SORCS1: variants seen among roughly 807,000 people sequenced by gnomAD.
SORCS1 encodes sortilin related VPS10 domain containing receptor 1, also known as VPS10 domain-containing receptor SorCS1.
In SORCS1, 60 loss-of-function variants were observed where a neutral mutation model predicts 146.1. The ratio of observed to expected loss-of-function variants is 0.41; its 90% CI spans 0.33 to 0.51. SORCS1 has a LOEUF of 0.51. SORCS1 is among the 20% of genes least tolerant of loss of function. SORCS1 has a pLI of 0.21. For synonymous variants in SORCS1, 637 were observed against 584.0 expected, an observed-to-expected ratio of 1.09 and a Z score of -1.31; for missense variants, 1,352 against 1,487.6, an observed-to-expected ratio of 0.91 and a Z score of 1.50.
chr10:106,932,310 A>G (rs1453593624), intron 2 of SORCS1, among the ~76,000 whole-genome samples: 1 of 152,176 alleles, frequency 6.6e-6, no homozygotes, highest in Admixed American at 6.5e-5. Context: ...TTGAGTAAAA[A>G]TAACTTCACA....
Position 107,164,273 on chromosome 10 carries a change from C to G in SORCS1, c.254G>C (p.Arg85Pro). ...CCGAGCCCGCTCCAGGGATAGCGCT[C>G]GGTCCCCGGGGGCCACTGAGAACAG... ...RPLFSVAPGD[R>P]ALSLERARGT... The change falls in exon 1 of 26, where the codon CGA (arginine) becomes CCA (proline). Residue 85 changes from arginine (R) to proline (P), a missense_variant. Physicochemically the swap from Arg to Pro is moderately radical, Grantham distance 103 (BLOSUM62 -2). Around this residue, in one of 3 missense-constraint regions of SORCS1, gnomAD observed 490 missense variants for 489.1 expected, o/e 1.00. Transcript: ENST00000263054. The surrounding 1 kb of genome is among the most constrained non-coding windows in gnomAD (Gnocchi z 6.8). The G allele has an allele frequency of 6.2e-7, 1 of 1,601,156 alleles. No individual in the cohort carries two copies. Among genetic ancestry groups the G allele is most frequent in the Non-Finnish European group, 8.5e-7 (1 of 1,177,852 alleles).
chr10:106,633,247 T>C (rs558438727), intron 18 of SORCS1, among the ~76,000 whole-genome samples: 53 of 152,330 alleles, frequency 3.5e-4, no homozygotes, highest in African/African-American at 1.3e-3. Context: ...ATATATATAA[T>C]ATGTAGTGAT....
At chr10:106,667,898 T>G (rs1432378579) in intron 16 of SORCS1, 96 bp from the exon 17 acceptor site, 1 of 695,628 alleles carries the variant, frequency 1.4e-6, no homozygotes, top group South Asian at 1.9e-5. Flanking sequence ...CACTAATCAA[T>G]TAGTCATAAC....
At chr10:107,077,314 G>T (rs1962974537) in intron 1 of SORCS1, among the ~76,000 whole-genome samples, 2 of 151,704 alleles carry the variant, frequency 1.3e-5, no homozygotes, top group African/African-American at 4.8e-5. Context: ...CATATTTAAG[G>T]TTACCTGTTG....
At chr10:107,054,368 C>A (rs926983992) in intron 1 of SORCS1, among the ~76,000 whole-genome samples, 1 of 152,002 alleles carries the variant, frequency 6.6e-6, no homozygotes, top group Non-Finnish European at 1.5e-5. Flanking sequence ...TAATTGGGAA[C>A]TTTTGTTGGG....
chr10:106,794,220 C>T (rs937005570), intron 3 of SORCS1, among the ~76,000 whole-genome samples: 2 of 152,192 alleles, frequency 1.3e-5, no homozygotes, highest in Middle Eastern at 3.2e-3. Context: ...AACTCTAGAA[C>T]TGCTATCCCC....
At chr10:106,748,556 G>A (rs1396950299) in intron 5 of SORCS1, among the ~76,000 whole-genome samples, 4 of 151,938 alleles carry the variant, frequency 2.6e-5, no homozygotes, top group Non-Finnish European at 4.4e-5. Flanking sequence ...ATTCGTGCTA[G>A]TCTGGAACGA....
At chr10:106,804,170 A>T (rs886505787) in intron 3 of SORCS1, among the ~76,000 whole-genome samples, 2 of 152,102 alleles carry the variant, frequency 1.3e-5, no homozygotes, top group African/African-American at 4.8e-5. Context: ...ATTATCAAAA[A>T]TGAGGAGAGT....
At chr10:106,627,150 C>A (rs1053940462) in intron 19 of SORCS1, among the ~76,000 whole-genome samples, 3 of 151,918 alleles carry the variant, frequency 2.0e-5, no homozygotes, top group African/African-American at 7.3e-5. Context: ...AGGAGTTTTG[C>A]AGGGGAGCAG....
intron 1 of SORCS1, among the ~76,000 whole-genome samples, chr10:106,970,719 A>G (rs1253409082): frequency 6.6e-6 from 1 of 151,364 alleles, no homozygotes; most frequent in African/African-American, 2.4e-5. Flanking sequence ...AAAGACCGCA[A>G]TGCTTCTGAC....
chr10:106,605,830 G>A (rs565494574), intron 23 of SORCS1, among the ~76,000 whole-genome samples: 2 of 152,272 alleles, frequency 1.3e-5, no homozygotes, highest in African/African-American at 4.8e-5. Flanking sequence ...TCTGCCAAGT[G>A]AAAAAGTGGC....
At chr10:106,937,814 A>G (rs998153471) in intron 2 of SORCS1, among the ~76,000 whole-genome samples, 8 of 152,002 alleles carry the variant, frequency 5.3e-5, no homozygotes, top group African/African-American at 1.4e-4. Context: ...AAACACAAAA[A>G]TTAGCCGGAC....
At chr10:106,942,224 T>A (rs1954079453) in intron 2 of SORCS1, among the ~76,000 whole-genome samples, 1 of 152,240 alleles carries the variant, frequency 6.6e-6, no homozygotes, top group South Asian at 2.1e-4. Context: ...TATTATTTTT[T>A]AAGTGTTCTT....
intron 8 of SORCS1, among the ~76,000 whole-genome samples, chr10:106,699,890 G>A (rs1854007139): frequency 6.6e-6 from 1 of 152,108 alleles, no homozygotes; most frequent in South Asian, 2.1e-4. Context: ...GCCTCACCTG[G>A]TGAATCAAAA....
chr10:106,872,762 T>A (rs1226197155), intron 2 of SORCS1, among the ~76,000 whole-genome samples: 1 of 151,802 alleles, frequency 6.6e-6, no homozygotes, highest in Non-Finnish European at 1.5e-5. Flanking sequence ...CAAAATTAGA[T>A]AGGACAGAAA....
chr10:107,044,726 G>A (rs1238224930), intron 1 of SORCS1, among the ~76,000 whole-genome samples: 6 of 150,472 alleles, frequency 4.0e-5, no homozygotes, highest in African/African-American at 1.2e-4. Context: ...TGGAGGCTGA[G>A]GCAGGAGAAT....
chr10:107,009,773 T>G (rs1057409956), intron 1 of SORCS1, among the ~76,000 whole-genome samples: 3 of 152,218 alleles, frequency 2.0e-5, no homozygotes, highest in African/African-American at 7.2e-5. Context: ...AGAAACCTGT[T>G]TTTTGACTTC....
At chr10:106,731,621 G>A (rs376866204) in intron 5 of SORCS1, among the ~76,000 whole-genome samples, 25 of 152,198 alleles carry the variant, frequency 1.6e-4, no homozygotes, top group African/African-American at 5.3e-4. Flanking sequence ...GCAAGTGTTT[G>A]TTATAAATCC....
intron 3 of SORCS1, among the ~76,000 whole-genome samples, chr10:106,786,168 T>C (rs1046234680): frequency 6.6e-6 from 1 of 152,230 alleles, no homozygotes; most frequent in Non-Finnish European, 1.5e-5. Context: ...TCTATTCTAC[T>C]TATGTATTGT....
Sources: gnomAD v4.1 joint callset for allele counts (sites outside exome capture counted in the v4.1 genomes callset) on GRCh38, gnomAD v4.1.1 for gene constraint, gnomAD v4.1.1 regional missense constraint, Gnocchi (gnomAD v3.1) non-coding constraint, MANE v1.5 for transcripts, NCBI Gene and HGNC (gene_info 2026-07-23, HGNC 2026-07-21) for gene names.